The following HPSE2 variants were observed in gnomAD, a reference collection of about 807,000 sequenced individuals.
HPSE2 encodes inactive heparanase-2.
Under a neutral mutation model 60.5 loss-of-function variants are expected in HPSE2, and 38 were observed. The ratio of observed to expected loss-of-function variants is 0.63; its 90% CI spans 0.48 to 0.82. The LOEUF (loss-of-function observed/expected upper bound fraction) is 0.82, where lower values mean the gene tolerates loss of function less well. Ranked by LOEUF, HPSE2 falls within the 40% of genes least tolerant of loss-of-function variation. The pLI is 0.00. For missense variants in HPSE2, 713 were observed against 740.4 expected (o/e 0.96, Z 0.43); for synonymous variants, 295 against 293.2 (o/e 1.01, Z -0.06).
chr10:98,544,005 A>G (rs1364247110), intron 9 of HPSE2, among the ~76,000 whole-genome samples: 8 of 149,748 alleles, frequency 5.3e-5, no homozygotes, highest in African/African-American at 1.5e-4. Context: ...AGAACTCTCC[A>G]CCCCAAATCA....
intron 2 of HPSE2, among the ~76,000 whole-genome samples, chr10:99,224,405 AC>A (rs1289767862): frequency 6.9e-6 from 1 of 144,380 alleles, no homozygotes; most frequent in African/African-American, 2.7e-5. Flanking sequence ...ATTCATTCTC[AC>A]TCTCTTTCTC....
chr10:99,209,493 G>A (rs746157294), intron 2 of HPSE2, among the ~76,000 whole-genome samples: 7 of 151,860 alleles, frequency 4.6e-5, no homozygotes, highest in Non-Finnish European at 1.0e-4. Context: ...AGCAAAATAA[G>A]ATGCAAGTTT....
intron 5 of HPSE2, among the ~76,000 whole-genome samples, chr10:98,701,010 G>A (rs1242688140): frequency 1.5e-5 from 1 of 64,954 alleles, no homozygotes; most frequent in African/African-American, 3.4e-5. Context: ...GAGAGGATGT[G>A]GAGAAATAGG....
At chr10:98,539,507 C>A (rs1478192499) in intron 9 of HPSE2, among the ~76,000 whole-genome samples, 1 of 151,876 alleles carries the variant, frequency 6.6e-6, no homozygotes, top group African/African-American at 2.4e-5. Context: ...GGCGACAGAG[C>A]GAGACTCTGT....
chr10:99,102,294 G>A (rs1221982941), intron 3 of HPSE2, among the ~76,000 whole-genome samples: 1 of 152,090 alleles, frequency 6.6e-6, no homozygotes, highest in African/African-American at 2.4e-5. Context: ...AAATGATAAA[G>A]GGGATATCAC....
chr10:98,804,380 A>T (rs1426522635), intron 3 of HPSE2, among the ~76,000 whole-genome samples: 1 of 152,094 alleles, frequency 6.6e-6, no homozygotes, highest in African/African-American at 2.4e-5. Flanking sequence ...CAAACTCCCC[A>T]TCTGACAAGG....
At chr10:98,602,566 A>G (rs515217) in intron 9 of HPSE2, among the ~76,000 whole-genome samples, 16,109 of 151,952 alleles carry the variant, frequency 0.11, 1,434 homozygotes, top group African/African-American at 0.25. Flanking sequence ...ATTGGCCATA[A>G]TCTCTTGATT....
intron 3 of HPSE2, among the ~76,000 whole-genome samples, chr10:99,109,430 CT>C (rs1407075392): frequency 2.0e-5 from 3 of 151,984 alleles, no homozygotes; most frequent in African/African-American, 7.3e-5. Flanking sequence ...GTACTAAATG[CT>C]AAAATGATGA....
intron 3 of HPSE2, among the ~76,000 whole-genome samples, chr10:99,067,352 G>A (rs1169771649): frequency 1.3e-5 from 2 of 152,202 alleles, no homozygotes; most frequent in Admixed American, 1.3e-4. Context: ...GAGACTCTGT[G>A]TGGGGGCTCT....
intron 5 of HPSE2, among the ~76,000 whole-genome samples, chr10:98,698,547 C>T (rs951912490): frequency 2.2e-4 from 33 of 151,936 alleles, no homozygotes; most frequent in African/African-American, 7.7e-4. Context: ...GGGAAAGATC[C>T]AAAATTGACA....
intron 3 of HPSE2, among the ~76,000 whole-genome samples, chr10:99,140,274 C>G (rs1845820020): frequency 6.6e-6 from 1 of 152,144 alleles, no homozygotes. Flanking sequence ...AGTTTGGAGT[C>G]TAATGACTGA....
chr10:98,739,320 C>G (rs1392315473), intron 4 of HPSE2, among the ~76,000 whole-genome samples: 1 of 151,650 alleles, frequency 6.6e-6, no homozygotes, highest in African/African-American at 2.4e-5. Context: ...TGTGGTCTGT[C>G]GTGGGGAGTG....
the HPSE2 span, among the ~76,000 whole-genome samples, chr10:99,273,448 G>GA: frequency 6.6e-6 from 1 of 151,818 alleles, no homozygotes; most frequent in African/African-American, 2.4e-5. Flanking sequence ...TTTAGTTGAA[G>GA]AAAAAAAATC....
intron 3 of HPSE2, among the ~76,000 whole-genome samples, chr10:99,071,139 G>A (rs112380669): frequency 0.02 from 2,906 of 148,330 alleles, 95 homozygotes; most frequent in East Asian, 0.15. Context: ...GCATGATCTC[G>A]GCTCACTGCA....
chr10:98,495,096 C>T (rs1415542218), intron 9 of HPSE2, among the ~76,000 whole-genome samples: 1 of 151,938 alleles, frequency 6.6e-6, no homozygotes, highest in Non-Finnish European at 1.5e-5. Flanking sequence ...CTCAGCTTTT[C>T]TTTATTTGAG....
intron 9 of HPSE2, among the ~76,000 whole-genome samples, chr10:98,503,759 A>G (rs1190886978): frequency 6.6e-6 from 1 of 152,230 alleles, no homozygotes; most frequent in Non-Finnish European, 1.5e-5. Flanking sequence ...AAACTAACTC[A>G]GGAATGTAAA....
chr10:98,501,733 A>G (rs1361217784), intron 9 of HPSE2, among the ~76,000 whole-genome samples: 6 of 152,194 alleles, frequency 3.9e-5, no homozygotes, highest in Non-Finnish European at 7.4e-5. Flanking sequence ...GGGCATCCAA[A>G]TTGGTAAACA....
intron 2 of HPSE2, among the ~76,000 whole-genome samples, chr10:99,186,155 A>ACACACAC (rs1294707362): frequency 2.2e-5 from 1 of 45,978 alleles, no homozygotes; most frequent in African/African-American, 4.8e-5. Context: ...CACACACACA[A>ACACACAC]GGCATATCAT....
intron 3 of HPSE2, among the ~76,000 whole-genome samples, chr10:98,799,066 C>T (rs1008765486): frequency 6.6e-6 from 1 of 151,950 alleles, no homozygotes; most frequent in Non-Finnish European, 1.5e-5. Context: ...TAAAGATACA[C>T]ATAGACTGAA....
Sources: allele counts gnomAD v4.1 joint callset (sites outside exome capture counted in the v4.1 genomes callset), GRCh38; gene constraint gnomAD v4.1.1; transcripts MANE v1.5; gene names NCBI Gene and HGNC (gene_info 2026-07-23, HGNC 2026-07-21).